The following ADAM29 variants were observed in gnomAD, a reference collection of about 807,000 sequenced individuals.
ADAM29 encodes the protein disintegrin and metalloproteinase domain-containing protein 29.
For synonymous variants in ADAM29, 367 were observed against 342.3 expected (o/e 1.07, Z -0.80); for missense variants, 969 against 1,001.8 (o/e 0.97, Z 0.44).
chr4:174,943,040 G>C (rs954801274), intron 4 of ADAM29, among the ~76,000 whole-genome samples: 3 of 152,190 alleles, frequency 2.0e-5, no homozygotes, highest in African/African-American at 7.2e-5. Context: ...CTCTAGGCCA[G>C]GAGAAAAATG....
chr4:174,964,570 G>A (rs1057299481), intron 4 of ADAM29, among the ~76,000 whole-genome samples: 1 of 151,930 alleles, frequency 6.6e-6, no homozygotes. Context: ...CAGATTCTTA[G>A]GAGACCATAA....
At chr4:174,945,536 CT>C (rs1323619787) in intron 4 of ADAM29, among the ~76,000 whole-genome samples, 3 of 152,078 alleles carry the variant, frequency 2.0e-5, no homozygotes, top group African/African-American at 7.2e-5. Context: ...GTTGCAATTG[CT>C]TTTGGCATCT....
chr4:174,926,721 C>CAAA (rs34308315), intron 2 of ADAM29, among the ~76,000 whole-genome samples: 20,140 of 106,950 alleles, frequency 0.19, 1,704 homozygotes, highest in East Asian at 0.3. Context: ...AGACCATGTC[C>CAAA]AAAAAAAAAA....
chr4:174,969,462 G>T (rs1346151819), intron 4 of ADAM29, among the ~76,000 whole-genome samples: 1 of 151,314 alleles, frequency 6.6e-6, no homozygotes, highest in Non-Finnish European at 1.5e-5. Flanking sequence ...ATATGTATTT[G>T]AAAAAAATTT....
At chr4:174,945,968 A>T (rs1248408363) in intron 4 of ADAM29, among the ~76,000 whole-genome samples, 2 of 152,084 alleles carry the variant, frequency 1.3e-5, no homozygotes, top group East Asian at 3.8e-4. Flanking sequence ...TGCCTTGACT[A>T]TTTGAGCCTT....
chr4:174,949,188 ACTCAGTCATGCC>A (rs1745023005), intron 4 of ADAM29, among the ~76,000 whole-genome samples: 1 of 151,982 alleles, frequency 6.6e-6, no homozygotes, highest in Admixed American at 6.6e-5. Context: ...ATGGAGGGGC[ACTCAGTCATGCC>A]CTCATCCCAT....
intron 4 of ADAM29, among the ~76,000 whole-genome samples, chr4:174,939,587 G>A (rs1019963560): frequency 6.6e-6 from 1 of 152,032 alleles, no homozygotes; most frequent in African/African-American, 2.4e-5. Context: ...ATGGGTTTTG[G>A]CAATTGTTCA....
intron 4 of ADAM29, among the ~76,000 whole-genome samples, chr4:174,964,912 T>A (rs904624035): frequency 6.9e-4 from 105 of 151,570 alleles, no homozygotes; most frequent in African/African-American, 2.5e-3. Context: ...GCAAAAAAAA[T>A]AAAAAATAAA....
intron 3 of ADAM29, among the ~76,000 whole-genome samples, chr4:174,936,403 AT>A (rs1357696753): frequency 4.0e-5 from 6 of 151,888 alleles, no homozygotes; most frequent in East Asian, 1.9e-4. Context: ...CTTATTTGAC[AT>A]TTTTTGGAAC....
intron 4 of ADAM29, among the ~76,000 whole-genome samples, chr4:174,974,739 T>A (rs1274400673): frequency 6.6e-6 from 1 of 152,222 alleles, no homozygotes; most frequent in Non-Finnish European, 1.5e-5. Flanking sequence ...TTGTGAAAGA[T>A]GCAAATGATG....
intron 4 of ADAM29, among the ~76,000 whole-genome samples, chr4:174,975,121 A>G (rs1194810312): frequency 6.6e-6 from 1 of 152,188 alleles, no homozygotes; most frequent in Admixed American, 6.5e-5. Context: ...ATATTCAATA[A>G]CTATCTGTGT....
At chr4:174,952,130 AT>A (rs1388567638) in intron 4 of ADAM29, among the ~76,000 whole-genome samples, 2 of 152,300 alleles carry the variant, frequency 1.3e-5, no homozygotes, top group Non-Finnish European at 2.9e-5. Flanking sequence ...TATAACAAAA[AT>A]ATATGCATTT....
At chr4:174,947,997 AGTGAGTGTTCCAG>A (rs1263058813) in intron 4 of ADAM29, among the ~76,000 whole-genome samples, 1 of 152,186 alleles carries the variant, frequency 6.6e-6, no homozygotes, top group Non-Finnish European at 1.5e-5. Flanking sequence ...ACATTCTTTA[AGTGAGTGTTCCAG>A]GTGTATCAGA....
intron 4 of ADAM29, among the ~76,000 whole-genome samples, chr4:174,964,490 GAA>G (rs1157492026): frequency 1.3e-5 from 2 of 152,022 alleles, no homozygotes; most frequent in Non-Finnish European, 2.9e-5. Context: ...GCATTGCAGA[GAA>G]TGCAGAAGTG....
In ADAM29 at chr4:174,977,462, A is replaced by T. The variant is rs751165889; in HGVS notation, c.1937A>T (p.Tyr646Phe). The stretch of plus-strand genomic sequence containing the variant: ...AATAAACATCACTGCCATTGCAATT[A>T]TCTGTGGGACCCTCCCAACTGCCTG... ...CNNKHHCHCN[Y>F]LWDPPNCLIK... is the part of the protein sequence containing the mutation. The change falls in exon 5 of 5, where the codon TAT (tyrosine) becomes TTT (phenylalanine). Residue 646 changes from tyrosine to phenylalanine, a missense_variant. Tyr to Phe is a conservative substitution (Grantham distance 22). Transcript: ENST00000359240. 1.4e-5 allele frequency: 22 copies of T among 1,613,950 alleles called. No individual in the cohort carries two copies. The highest frequency in any genetic ancestry group is 1.2e-4 in the Admixed American group (7 of 59,996).
chr4:174,928,790 A>G (rs1411206747), intron 2 of ADAM29, among the ~76,000 whole-genome samples: 1 of 152,030 alleles, frequency 6.6e-6, no homozygotes, highest in Admixed American at 6.6e-5. Context: ...AAGCTCCTAC[A>G]TTTCTATAGA....
rs932691782 is a variant in ADAM29, at chr4:174,976,366, A to C, written c.841A>C (p.Met281Leu). Reference protein sequence around the residue: ...KWKSENITPRMQHDTSHLFTT... With the variant: ...KWKSENITPRLQHDTSHLFTT... ...GAAGTCGGAGAACATTACGCCCCGG[A>C]TGCAACATGACACCTCACATCTTTT... Residue 281 changes from methionine (M) to leucine (L), a missense_variant, in exon 5 of 5, where the codon ATG becomes CTG. Coordinates refer to ENST00000359240, the MANE Select transcript of ADAM29 (RefSeq NM_014269.4). The C allele has an allele frequency of 6.2e-7, 1 of 1,604,216 alleles. No individual in the cohort carries two copies. The highest frequency in any genetic ancestry group is 8.5e-7 in the Non-Finnish European group (1 of 1,176,262).
intron 4 of ADAM29, 54 bp downstream of exon 4, chr4:174,937,067 T>C (rs1744245744): frequency 6.6e-6 from 1 of 152,020 alleles, no homozygotes; most frequent in Non-Finnish European, 1.5e-5. Flanking sequence ...TTAATTTCTA[T>C]CACAATAAAA....
chr4:174,923,297 C>G (rs1743273242), intron 2 of ADAM29, among the ~76,000 whole-genome samples: 1 of 151,696 alleles, frequency 6.6e-6, no homozygotes, highest in Admixed American at 6.6e-5. Context: ...CATCCTGATC[C>G]ACCCACCTCG....
Sources: gnomAD v4.1 joint callset for allele counts (sites outside exome capture counted in the v4.1 genomes callset) on GRCh38, gnomAD v4.1.1 for gene constraint, MANE v1.5 for transcripts, NCBI Gene and HGNC (gene_info 2026-07-23, HGNC 2026-07-21) for gene names.